The following KCND2 variants were observed in gnomAD, a reference collection of about 807,000 sequenced individuals.
KCND2 encodes potassium voltage-gated channel subfamily D member 2, also known as A-type voltage-gated potassium channel KCND2.
A neutral mutation model predicts 54.4 loss-of-function variants in KCND2; 16 were observed. The ratio of observed to expected loss-of-function variants is 0.29; its 90% CI spans 0.20 to 0.45. The LOEUF (loss-of-function observed/expected upper bound fraction) is 0.45. KCND2 is among the 20% of genes least tolerant of loss of function. The probability of loss-of-function intolerance (pLI) is 1.00; values close to 1 mark genes in which losing one functional copy is unlikely to be tolerated. For missense variants in KCND2, 486 were observed against 824.2 expected, an observed-to-expected ratio of 0.59 and a Z score of 5.02; for synonymous variants, 317 against 310.7, an observed-to-expected ratio of 1.02 and a Z score of -0.21.
At chr7:120,334,968 G>C (rs532817996) in intron 1 of KCND2, among the ~76,000 whole-genome samples, 1 of 152,140 alleles carries the variant, frequency 6.6e-6, no homozygotes, top group Admixed American at 6.5e-5. Flanking sequence ...ACCGGATGTG[G>C]AGATGACACC....
intron 4 of KCND2, 66 bp downstream of exon 4, chr7:120,742,668 C>A: frequency 8.3e-7 from 1 of 1,205,826 alleles, no homozygotes; most frequent in Non-Finnish European, 1.2e-6. Flanking sequence ...TTTGTGCATA[C>A]TTAATGCTTC....
chr7:120,471,227 T>G (rs1445253777), intron 1 of KCND2, among the ~76,000 whole-genome samples: 2 of 152,088 alleles, frequency 1.3e-5, no homozygotes, highest in African/African-American at 4.8e-5. Context: ...GGGGATCAAC[T>G]GGAAACTTAA....
Position 120,546,057 on chromosome 7 carries a change from A to G in KCND2, c.1116-186846A>G, listed in dbSNP as rs557849393. ...AAATTAAAACCTGCAAAACTAAAAT[A>G]TAAAATAACATTCACAATACATGTA... On this transcript the variant is annotated intron_variant, in intron 1 of 5. Transcript: ENST00000331113. 1.4e-3 allele frequency among the ~76,000 whole-genome samples: 208 copies of G among 152,046 alleles called. 1 individual carries two copies. The highest frequency in any genetic ancestry group is 4.7e-3 in the African/African-American group (197 of 41,548).
At chr7:120,746,793 A>G (rs1793013044) in intron 5 of KCND2, 1 of 152,132 alleles carries the variant, frequency 6.6e-6, no homozygotes. Flanking sequence ...TGTTAGAGTG[A>G]GAGTCTGTAA....
intron 1 of KCND2, among the ~76,000 whole-genome samples, chr7:120,479,387 T>A (rs1802571501): frequency 1.3e-5 from 2 of 152,142 alleles, no homozygotes; most frequent in South Asian, 4.1e-4. Context: ...TACACAAATT[T>A]TACCAGTATA....
intron 1 of KCND2, among the ~76,000 whole-genome samples, chr7:120,709,528 T>C (rs1364813835): frequency 1.3e-5 from 2 of 152,188 alleles, no homozygotes; most frequent in East Asian, 1.9e-4. Context: ...CAAGGAAGGA[T>C]TGAAAGAAAA....
intron 1 of KCND2, among the ~76,000 whole-genome samples, chr7:120,504,867 T>C (rs893440657): frequency 6.6e-6 from 1 of 151,650 alleles, no homozygotes; most frequent in Non-Finnish European, 1.5e-5. Flanking sequence ...AGATCACTCA[T>C]GAATATCGGT....
At chr7:120,740,907 ATTTGTTTG>A (rs3834346) in intron 2 of KCND2, 169 of 453,156 alleles carry the variant, frequency 3.7e-4, no homozygotes, top group African/African-American at 1.1e-3. Flanking sequence ...GTTTTTGTTT[ATTTGTTTG>A]TTTGTTTGTT....
intron 1 of KCND2, among the ~76,000 whole-genome samples, chr7:120,351,406 A>ACTCT (rs1392140980): frequency 1.2e-3 from 153 of 123,506 alleles, no homozygotes; most frequent in Middle Eastern, 0.012. Context: ...ACACACACAC[A>ACTCT]CACACACTCT....
intron 1 of KCND2, among the ~76,000 whole-genome samples, chr7:120,594,639 C>T (rs964651191): frequency 1.3e-5 from 2 of 152,178 alleles, no homozygotes; most frequent in Non-Finnish European, 2.9e-5. Flanking sequence ...ATCACAAATG[C>T]CACAGCTGTT....
chr7:120,590,037 C>T (rs767950586), intron 1 of KCND2, among the ~76,000 whole-genome samples: 3 of 152,126 alleles, frequency 2.0e-5, no homozygotes, highest in Non-Finnish European at 2.9e-5. Context: ...GTTTTTGAGA[C>T]GGAGTCTCGC....
chr7:120,654,611 G>T (rs894299223), intron 1 of KCND2, among the ~76,000 whole-genome samples: 1 of 152,108 alleles, frequency 6.6e-6, no homozygotes, highest in Non-Finnish European at 1.5e-5. Flanking sequence ...CAAACTATTA[G>T]ATAAATTTTA....
intron 1 of KCND2, among the ~76,000 whole-genome samples, chr7:120,512,389 G>T (rs1803129030): frequency 6.6e-6 from 1 of 151,574 alleles, no homozygotes; most frequent in African/African-American, 2.4e-5. Flanking sequence ...ATTATGGTCA[G>T]GTTTTTTAAT....
At chr7:120,363,107 C>G (rs1800617054) in intron 1 of KCND2, among the ~76,000 whole-genome samples, 1 of 151,954 alleles carries the variant, frequency 6.6e-6, no homozygotes, top group Non-Finnish European at 1.5e-5. Context: ...TTAAGACTAG[C>G]CTGGGAAACA....
In KCND2 at chr7:120,399,081, C is replaced by T. The variant is rs188092086; in HGVS notation, c.1115+123334C>T. Among the ~76,000 whole-genome samples the T allele has an allele frequency of 2.4e-4, 36 of 152,010 alleles. No individual in the cohort carries two copies. The East Asian group carries it at 6.2e-3, about 26-fold the overall frequency. On this transcript the variant is annotated intron_variant, in intron 1 of 5. Coordinates refer to ENST00000331113, the MANE Select transcript of KCND2 (RefSeq NM_012281.3). ...CTTTACATTATCTTAAATTATAATACGTATGTCTTTGTCTCATCAGCTTAC... is the reference window on the plus strand; with the variant it reads ...CTTTACATTATCTTAAATTATAATATGTATGTCTTTGTCTCATCAGCTTAC...
intron 1 of KCND2, among the ~76,000 whole-genome samples, chr7:120,357,503 C>T (rs1231445736): frequency 1.3e-5 from 2 of 152,024 alleles, no homozygotes; most frequent in African/African-American, 4.8e-5. Flanking sequence ...ATGCAATAAT[C>T]TTATGTTATT....
intron 1 of KCND2, among the ~76,000 whole-genome samples, chr7:120,729,691 C>T (rs147191634): frequency 2.6e-4 from 40 of 152,336 alleles, no homozygotes; most frequent in African/African-American, 9.1e-4. Flanking sequence ...CTGATGAACA[C>T]TTTGTGCCCC....
At chr7:120,699,749 G>C (rs1792377458) in intron 1 of KCND2, among the ~76,000 whole-genome samples, 1 of 152,142 alleles carries the variant, frequency 6.6e-6, no homozygotes, top group African/African-American at 2.4e-5. Context: ...GGAAGAGAAG[G>C]CAACAGTTTG....
intron 1 of KCND2, among the ~76,000 whole-genome samples, chr7:120,391,849 T>C (rs1489770654): frequency 1.3e-5 from 2 of 152,130 alleles, no homozygotes; most frequent in Non-Finnish European, 2.9e-5. Flanking sequence ...GTGAAAAGTT[T>C]CTCCCATTCT....
Sources: gnomAD v4.1 joint callset for allele counts (sites outside exome capture counted in the v4.1 genomes callset) on GRCh38, gnomAD v4.1.1 for gene constraint, MANE v1.5 for transcripts, NCBI Gene and HGNC (gene_info 2026-07-23, HGNC 2026-07-21) for gene names.